The following PSCA variants were observed in gnomAD, a reference collection of about 807,000 sequenced individuals.
PSCA encodes the protein prostate stem cell antigen.
In PSCA, 7 loss-of-function variants were observed where a neutral mutation model predicts 7.9. The observed-to-expected ratio is 0.89, with a 90% CI of 0.51 to 1.67. PSCA has a LOEUF of 1.67. Among genes scored for constraint, PSCA ranks in the 40% most tolerant of loss-of-function variants. The probability of loss-of-function intolerance (pLI) is 0.00; values close to 1 mark genes in which losing one functional copy is unlikely to be tolerated. For synonymous variants in PSCA, 61 were observed against 68.3 expected (o/e 0.89, Z 0.53); for missense variants, 151 against 147.9 (o/e 1.02, Z -0.11).
upstream of PSCA, among the ~76,000 whole-genome samples, chr8:142,679,266 A>G (rs1554638083): frequency 6.6e-6 from 1 of 152,028 alleles, no homozygotes; most frequent in Non-Finnish European, 1.5e-5. Flanking sequence ...CACTTCCCCG[A>G]CTCGTTTGCA....
chr8:142,677,412 ACCAAACATTCCCTGGCGGTGCAGAGTCAC>A (rs1306920254), upstream of PSCA, among the ~76,000 whole-genome samples: 7 of 152,234 alleles, frequency 4.6e-5, no homozygotes, highest in Admixed American at 3.9e-4. Flanking sequence ...TCCAGACATC[ACCAAACATTCCCTGGCGGTGCAGAGTCAC>A]CCACGTGAGA....
chr8:142,680,400 C>T, upstream of PSCA: 1 of 1,037,156 alleles, frequency 9.6e-7, no homozygotes, highest in South Asian at 1.5e-5. Flanking sequence ...CCCCGGGGCC[C>T]TCACTGGCTC....
chr8:142,681,981 C>T lies in PSCA; in HGVS notation c.194C>T (p.Ser65Leu), dbSNP rs782429872. The T allele has an allele frequency of 5.6e-6, 9 of 1,608,000 alleles. No individual in the cohort carries two copies. The highest frequency in any genetic ancestry group is 4.2e-6 in the Non-Finnish European group (5 of 1,177,270). The stretch of plus-strand genomic sequence containing the variant: ...TGCAGCTTGAACTGCGTGGATGACT[C>T]ACAGGACTACTACGTGGGCAAGAAG... Reference protein sequence around the residue: ...KGCSLNCVDDSQDYYVGKKNI... With the variant: ...KGCSLNCVDDLQDYYVGKKNI... The change falls in exon 3 of 3, where the codon TCA (serine) becomes TTA (leucine). Residue 65 changes from serine to leucine, a missense_variant. Ser to Leu is a moderately radical substitution (Grantham distance 145). Coordinates refer to ENST00000301258, the MANE Select transcript of PSCA (RefSeq NM_005672.5).
At chr8:142,679,802 G>T (rs753647974), upstream of PSCA, among the ~76,000 whole-genome samples, 3 of 152,200 alleles carry the variant, frequency 2.0e-5, no homozygotes. Context: ...GATGGTAAAT[G>T]TTTCTCATCA....
At chr8:142,672,277 C>CCCA (rs781804105) in intron 1 of PSCA, among the ~76,000 whole-genome samples, 8 of 151,654 alleles carry the variant, frequency 5.3e-5, no homozygotes, top group South Asian at 4.2e-4. Context: ...AACTGCCCTC[C>CCCA]CCAATCCACA....
At chr8:142,674,806 G>A (rs961716213) in intron 1 of PSCA, among the ~76,000 whole-genome samples, 7 of 152,218 alleles carry the variant, frequency 4.6e-5, no homozygotes, top group Admixed American at 3.9e-4. Flanking sequence ...GCCTGCTTCT[G>A]CACTGGCTTC....
intron 2 of PSCA, 75 bp from the exon 3 acceptor site, chr8:142,681,846 C>T (rs1232417558): frequency 1.6e-4 from 171 of 1,048,326 alleles, no homozygotes; most frequent in Non-Finnish European, 2.3e-4. Context: ...CAGGGTGGGA[C>T]AGGAGGAGGC....
upstream of PSCA, among the ~76,000 whole-genome samples, chr8:142,675,580 C>T (rs587756770): frequency 8.6e-4 from 131 of 152,334 alleles, no homozygotes; most frequent in African/African-American, 3.1e-3. Context: ...AACCGGTGCA[C>T]ACACCCACAC....
intron 1 of PSCA, among the ~76,000 whole-genome samples, chr8:142,671,756 T>C (rs1338586940): frequency 6.6e-6 from 1 of 152,160 alleles, no homozygotes; most frequent in East Asian, 1.9e-4. Flanking sequence ...CTGTGTTGCC[T>C]AGGCTGGTCT....
upstream of PSCA, among the ~76,000 whole-genome samples, chr8:142,677,582 C>T (rs1847413154): frequency 1.3e-5 from 2 of 151,312 alleles, no homozygotes; most frequent in Admixed American, 1.3e-4. Context: ...ACGTCTTGTG[C>T]GGGAGTGGCC....
Position 142,682,390 on chromosome 8 carries a change from T to G in PSCA, c.*258T>G, listed in dbSNP as rs893319675. On this transcript the variant is annotated 3_prime_UTR_variant, in exon 3 of 3. Coordinates refer to ENST00000301258, the MANE Select transcript of PSCA (RefSeq NM_005672.5). ...CCCTCCAACCCTCTCTGCTGCTGTT[T>G]CCATGGCCCAGCATTCTCCACCCTT... The G allele has an allele frequency of 4.3e-6, 3 of 694,780 alleles. No homozygotes were observed. In the South Asian group the frequency reaches 4.5e-5, roughly 10 times the overall value. The allele number at this position is 694,780 out of a possible 1,614,324, so 43.0% of individuals were successfully genotyped here.
chr8:142,679,221 C>T (rs1004856937), upstream of PSCA, among the ~76,000 whole-genome samples: 4 of 152,280 alleles, frequency 2.6e-5, no homozygotes, highest in African/African-American at 9.6e-5. Context: ...GGCCTAGCCG[C>T]TGCCTCCTGC....
At chr8:142,680,439 C>T (rs587732888), upstream of PSCA, 72 of 1,406,666 alleles carry the variant, frequency 5.1e-5, 1 homozygote, top group South Asian at 8.6e-4. Flanking sequence ...TGACTGTGGG[C>T]AGTCCAGCCT....
rs1814645366 is a variant in PSCA, at chr8:142,681,787, C to T, written c.134-134C>T. The T allele has an allele frequency of 8.8e-6, 6 of 683,568 alleles. No individual in the cohort carries two copies. The Admixed American group carries it at 1.4e-4, about 16-fold the overall frequency. 42.3% of individuals were successfully genotyped at this position (683,568 alleles called of 1,614,324 possible). A position where few individuals can be genotyped will look rare whatever the true frequency, so the allele number is the denominator to read the frequency against. On this transcript the variant is annotated intron_variant, in intron 2 of 2. Transcript: ENST00000301258. The stretch of plus-strand genomic sequence containing the variant: ...GACCAGGGCCGAGACCAGGCCCTCG[C>T]ACTGCTTGCAATCCTGAGGCCAGCC...
At position 142,682,065 on chromosome 8, in the gene PSCA, C is replaced by T. The variant is rs782507595; in HGVS notation, c.278C>T (p.Pro93Leu). 23 of 1,610,396 alleles carry T rather than the reference C, an allele frequency of 1.4e-5. No homozygotes were observed. Among genetic ancestry groups the T allele is most frequent in the Middle Eastern group, 3.3e-4 (2 of 6,080 alleles). Residue 93 changes from proline (P) to leucine (L), a missense_variant, in exon 3 of 3, where the codon CCG (proline) becomes CTG (leucine). Pro to Leu is a moderately conservative substitution (Grantham distance 98, BLOSUM62 -3). Transcript: ENST00000301258. ...CNASGAHALQ[P>L]AAAILALLPA... is the part of the protein sequence containing the mutation. Reference sequence around the variant, plus strand: ...GCCAGCGGGGCCCATGCCCTGCAGCCGGCTGCTGCCATCCTTGCGCTGCTC... The same window carrying T: ...GCCAGCGGGGCCCATGCCCTGCAGCTGGCTGCTGCCATCCTTGCGCTGCTC...
upstream of PSCA, chr8:142,680,180 A>C (rs1310887923): frequency 2.0e-5 from 6 of 297,014 alleles, no homozygotes; most frequent in Non-Finnish European, 3.9e-5. Flanking sequence ...GGCCTGGAGG[A>C]GTCTGGAGAA....
chr8:142,681,731 C>A (rs1251696793), intron 2 of PSCA, 190 bp from the exon 3 acceptor site: 4 of 610,408 alleles, frequency 6.6e-6, no homozygotes, highest in Non-Finnish European at 8.7e-6. Flanking sequence ...AGCGGGTGGT[C>A]CATCTGCCTC....
At chr8:142,679,793 A>T (rs1587546308), upstream of PSCA, among the ~76,000 whole-genome samples, 1 of 152,276 alleles carries the variant, frequency 6.6e-6, no homozygotes, top group East Asian at 1.9e-4. Flanking sequence ...GAGACAATAG[A>T]TGGTAAATGT....
At position 142,673,881 on chromosome 8, in the gene PSCA, C is replaced by T. The variant is rs60702878; in HGVS notation, n.261+3313C>T. On this transcript the variant is annotated intron_variant and non_coding_transcript_variant, in intron 1 of 1. Coordinates refer to the PSCA transcript ENST00000505305. The surrounding 1 kb of genome is among the most constrained non-coding windows in gnomAD (Gnocchi z 4.6). ...AGGAGTAATTGGGGGAGTTGCAAATCTTGTGGTCCCTGGAATAACGGCTGG... is the reference window on the plus strand; with the variant it reads ...AGGAGTAATTGGGGGAGTTGCAAATTTTGTGGTCCCTGGAATAACGGCTGG... Among the ~76,000 whole-genome samples the T allele has an allele frequency of 2.6e-5, 4 of 152,370 alleles. No individual in the cohort carries two copies. The highest frequency in any genetic ancestry group is 9.6e-5 in the African/African-American group (4 of 41,586).
Sources: allele counts gnomAD v4.1 joint callset (sites outside exome capture counted in the v4.1 genomes callset), GRCh38; gene constraint gnomAD v4.1.1; non-coding constraint Gnocchi (gnomAD v3.1); transcripts MANE v1.5; gene names NCBI Gene and HGNC (gene_info 2026-07-23, HGNC 2026-07-21).